Variants in FRMD8 observed in about 807,000 individuals in gnomAD.
The protein encoded by FRMD8 is FERM domain containing 8, also known as FERM domain-containing protein 8.
Under a neutral mutation model 54.2 loss-of-function variants are expected in FRMD8, and 37 were observed. The ratio of observed to expected loss-of-function variants is 0.68; its 90% CI spans 0.53 to 0.90. FRMD8 has a LOEUF of 0.90. FRMD8 is among the 40% of genes least tolerant of loss of function. The probability of loss-of-function intolerance (pLI) is 0.00; values close to 1 mark genes in which losing one functional copy is unlikely to be tolerated. For missense variants in FRMD8, 585 were observed against 653.7 expected (o/e 0.89, Z 1.15); for synonymous variants, 246 against 286.9 (o/e 0.86, Z 1.44).
intron 7 of FRMD8, among the ~76,000 whole-genome samples, 196 bp from the exon 8 acceptor site, chr11:65,399,540 C>T (rs766255405): frequency 5.9e-5 from 9 of 152,208 alleles, no homozygotes; most frequent in African/African-American, 7.2e-5. Context: ...CTTCTCCCTC[C>T]GGTCGCACAC....
chr11:65,381,805 G>A (rs1855574269), upstream of FRMD8: 3 of 1,387,406 alleles, frequency 2.2e-6, no homozygotes, highest in Non-Finnish European at 1.0e-6. Context: ...TGATCCTCCC[G>A]CCAGGCCGGA....
At chr11:65,376,703 G>A in the FRMD8 span, 2 of 1,613,206 alleles carry the variant, frequency 1.2e-6, no homozygotes, top group Middle Eastern at 1.6e-4. Flanking sequence ...CAGAGCAGGG[G>A]TCAGACCCAG....
In FRMD8 at chr11:65,400,932, A is replaced by G; in HGVS notation, c.1071+65A>G. 2.7e-6 allele frequency: 4 copies of G among 1,501,032 alleles called. No individual in the cohort carries two copies. Among genetic ancestry groups the G allele is most frequent in the African/African-American group, 1.4e-5 (1 of 71,330 alleles). 93.0% of individuals were successfully genotyped at this position (1,501,032 alleles called of 1,614,324 possible). ...GCCCAGGTGCCCTGGGTCCCAGACA[A>G]TTAGAGGCACCAGGCTGGCGGGCAA... is the stretch of plus-strand genomic sequence containing the variant. On this transcript the variant is annotated intron_variant, in intron 9 of 10. Coordinates refer to ENST00000317568, the MANE Select transcript of FRMD8 (RefSeq NM_031904.5). The surrounding 1 kb of genome is among the most constrained non-coding windows in gnomAD (Gnocchi z 4.3).
At chr11:65,379,425 G>A in the FRMD8 span, 1 of 1,612,998 alleles carries the variant, frequency 6.2e-7, no homozygotes, top group South Asian at 1.1e-5. Context: ...CATGTAGCTG[G>A]GCGGCTGGGC....
chr11:65,403,208 A>G (rs905823966), intron 9 of FRMD8, among the ~76,000 whole-genome samples: 3 of 148,972 alleles, frequency 2.0e-5, no homozygotes, highest in African/African-American at 7.5e-5. Context: ...TTTGAGATGG[A>G]GTCTCACTCT....
At chr11:65,399,609 C>A in intron 7 of FRMD8, 127 bp from the exon 8 acceptor site, 1 of 1,152,726 alleles carries the variant, frequency 8.7e-7, no homozygotes, top group Non-Finnish European at 1.2e-6. Context: ...CTCTGTTTCT[C>A]CCTTCCCTGG....
At chr11:65,376,421 G>A in the FRMD8 span, 48,680 of 1,613,676 alleles carry the variant, frequency 0.03, 911 homozygotes, top group Non-Finnish European at 0.034. Flanking sequence ...CCCCACCAGC[G>A]GAGGAGATAT....
At chr11:65,383,636 T>C (rs1189618577), upstream of FRMD8, 1 of 151,994 alleles carries the variant, frequency 6.6e-6, no homozygotes, top group Admixed American at 6.6e-5. Flanking sequence ...CGGGCGCCTG[T>C]AGTCCCAGCT....
the FRMD8 span, among the ~76,000 whole-genome samples, chr11:65,369,448 G>C: frequency 6.6e-6 from 1 of 151,940 alleles, no homozygotes; most frequent in Admixed American, 6.6e-5. Flanking sequence ...TAAAAATTAG[G>C]CTGGATGCAG....
the FRMD8 span, among the ~76,000 whole-genome samples, chr11:65,368,624 C>T: frequency 1.3e-5 from 2 of 152,008 alleles, no homozygotes; most frequent in South Asian, 2.1e-4. Flanking sequence ...AGTGCAGTGG[C>T]GCAATCTCGG....
At chr11:65,401,726 C>G (rs2137914541) in intron 9 of FRMD8, among the ~76,000 whole-genome samples, 1 of 150,746 alleles carries the variant, frequency 6.6e-6, no homozygotes, top group East Asian at 2.0e-4. Flanking sequence ...CCCTGCTGCT[C>G]CCCATTTTCC....
chr11:65,395,590 C>T (rs984258789), intron 6 of FRMD8, among the ~76,000 whole-genome samples: 7 of 152,174 alleles, frequency 4.6e-5, no homozygotes, highest in Admixed American at 1.3e-4. Context: ...ATCTGATGGC[C>T]GGTCCACAGC....
rs1855792302 is a variant in FRMD8 at position 65,389,292 on chromosome 11, T to C, written c.86-69T>C. On this transcript the variant is annotated intron_variant, in intron 2 of 10. Coordinates refer to ENST00000317568, the MANE Select transcript of FRMD8 (RefSeq NM_031904.5). Reference sequence around the variant, plus strand: ...TCCAGCCCCAGTGGGTGGTAGAGGGTGCCTGGTTGGCCTGGCCTGGCTGTG... The same window carrying C: ...TCCAGCCCCAGTGGGTGGTAGAGGGCGCCTGGTTGGCCTGGCCTGGCTGTG... 32 of 1,510,488 alleles carry C rather than the reference T, an allele frequency of 2.1e-5. No homozygotes were observed. In the East Asian group the frequency reaches 7.0e-4, roughly 33 times the overall value. 93.6% of individuals were successfully genotyped at this position (1,510,488 alleles called of 1,614,324 possible). A position where few individuals can be genotyped will look rare whatever the true frequency, so the allele number is the denominator to read the frequency against.
Position 65,389,516 on chromosome 11 carries a change from TC to T in FRMD8, c.245del (p.Pro82LeufsTer7). 1 of 1,587,656 alleles carries T rather than the reference TC, an allele frequency of 6.3e-7. No individual in the cohort carries two copies. The part of the protein sequence containing the change: ...ALDVFALWLV[S>X]PLLEVQLKPK... ...GGATGTCTTCGCGCTCTGGCTGGTC[TC>T]CCCTCTGCTGGGTAAGGCTTGGCAG... On this transcript the variant is annotated frameshift_variant, in exon 3 of 11. Transcript: ENST00000317568. LOFTEE classifies it high-confidence loss of function.
chr11:65,386,713 C>T lies in FRMD8; in HGVS notation c.-49C>T, dbSNP rs927225404. ...GCGGGCTTGGCGGCGGGGCAGGATT[C>T]CAGGCAGGAGCCTTGCCTCTCAGGT... On this transcript the variant is annotated 5_prime_UTR_variant, in exon 1 of 11. Coordinates refer to ENST00000317568, the MANE Select transcript of FRMD8 (RefSeq NM_031904.5). 8.6e-6 allele frequency: 3 copies of T among 347,576 alleles called. No homozygotes were observed. Among genetic ancestry groups the T allele is most frequent in the African/African-American group, 2.1e-5 (1 of 47,160 alleles). 21.5% of individuals were successfully genotyped at this position (347,576 alleles called of 1,614,324 possible). A position where few individuals can be genotyped will look rare whatever the true frequency, so the allele number is the denominator to read the frequency against.
chr11:65,389,844 C>T (rs1252467968), intron 3 of FRMD8, among the ~76,000 whole-genome samples: 4 of 152,144 alleles, frequency 2.6e-5, no homozygotes, highest in African/African-American at 7.2e-5. Context: ...CCTTGTCTGC[C>T]GAGCATAACC....
intron 10 of FRMD8, among the ~76,000 whole-genome samples, chr11:65,407,765 T>C (rs1856235515): frequency 6.6e-6 from 1 of 150,490 alleles, no homozygotes; most frequent in Non-Finnish European, 1.5e-5. Flanking sequence ...GACGTGGTGG[T>C]GGGTGCCTGT....
At chr11:65,380,525 G>A in the FRMD8 span, 4 of 1,385,620 alleles carry the variant, frequency 2.9e-6, no homozygotes, top group Admixed American at 4.3e-5. Context: ...GAATCACCCA[G>A]GTTCCCACCT....
At chr11:65,411,135 C>A in intron 10 of FRMD8, 107 bp from the exon 11 acceptor site, 4 of 846,736 alleles carry the variant, frequency 4.7e-6, no homozygotes, top group South Asian at 3.6e-5. Context: ...TCTGACCAGG[C>A]TCTGGAAGGA....
Sources: gnomAD v4.1 joint callset for allele counts (sites outside exome capture counted in the v4.1 genomes callset) on GRCh38, gnomAD v4.1.1 for gene constraint, Gnocchi (gnomAD v3.1) non-coding constraint, MANE v1.5 for transcripts, NCBI Gene and HGNC (gene_info 2026-07-23, HGNC 2026-07-21) for gene names.